The following PTBP3 variants were observed in gnomAD, a reference collection of about 807,000 sequenced individuals.
The protein encoded by PTBP3 is polypyrimidine tract binding protein 3.
In PTBP3, 20 loss-of-function variants were observed where a neutral mutation model predicts 58.7. The ratio of observed to expected loss-of-function variants is 0.34; its 90% confidence interval spans 0.24 to 0.50. The LOEUF is 0.50. Ranked by LOEUF, PTBP3 falls within the 20% of genes least tolerant of loss-of-function variation. The pLI is 0.98. For missense variants in PTBP3, 509 were observed against 637.2 expected (o/e 0.80, Z 2.17); for synonymous variants, 185 against 219.8 (o/e 0.84, Z 1.40).
chr9:112,362,183 A>G, the PTBP3 span, among the ~76,000 whole-genome samples: 14 of 152,292 alleles, frequency 9.2e-5, no homozygotes, highest in Non-Finnish European at 1.5e-4. Context: ...TACAAAAAGT[A>G]TGAGTCTGTA....
chr9:112,238,193 G>A (rs1174705307), intron 7 of PTBP3, among the ~76,000 whole-genome samples: 1 of 151,984 alleles, frequency 6.6e-6, no homozygotes, highest in African/African-American at 2.4e-5. Flanking sequence ...AGCAGATGAA[G>A]ATTTAAATAG....
At position 112,268,158 on chromosome 9, in the gene PTBP3, G is replaced by A. The variant is rs754505988; in HGVS notation, c.242C>T (p.Thr81Ile). The A allele has an allele frequency of 1.9e-6, 3 of 1,612,116 alleles. No individual in the cohort carries two copies. The highest frequency in any genetic ancestry group is 1.7e-6 in the Non-Finnish European group (2 of 1,179,578). Reference protein sequence around the residue: ...LEMASEEAAVTMVNYYTPITP... With the variant: ...LEMASEEAAVIMVNYYTPITP... ...AATAGGAGTGTAATAATTCACCATA[G>A]TAACGGCAGCTTCCTCAGAAGCCAT... Residue 81 changes from threonine (T) to isoleucine (I), a missense_variant, in exon 4 of 14, where the codon ACT (threonine) becomes ATT (isoleucine). This residue lies in a region of PTBP3 where 212 missense variants were observed against 215.3 expected (regional missense o/e 0.98). Coordinates refer to ENST00000374257, the MANE Select transcript of PTBP3 (RefSeq NM_001163788.4).
Position 112,268,156 on chromosome 9 carries a change from T to C in PTBP3, c.244A>G (p.Met82Val), listed in dbSNP as rs751095779. The C allele has an allele frequency of 5.0e-6, 8 of 1,612,710 alleles. No homozygotes were observed. The highest frequency in any genetic ancestry group is 2.7e-5 in the African/African-American group (2 of 74,968). ...GTAATAGGAGTGTAATAATTCACCA[T>C]AGTAACGGCAGCTTCCTCAGAAGCC... ...EMASEEAAVT[M>V]VNYYTPITPH... Residue 82 changes from methionine (M) to valine (V), a missense_variant, in exon 4 of 14, where the codon ATG (methionine) becomes GTG (valine). Coordinates refer to ENST00000374257, the MANE Select transcript of PTBP3 (RefSeq NM_001163788.4).
intron 7 of PTBP3, among the ~76,000 whole-genome samples, chr9:112,250,119 T>C (rs887916066): frequency 5.3e-5 from 8 of 152,150 alleles, no homozygotes; most frequent in Admixed American, 4.6e-4. Context: ...AATTTGATTG[T>C]CTTAATTCTT....
intron 7 of PTBP3, among the ~76,000 whole-genome samples, chr9:112,246,700 A>G (rs1030924632): frequency 2.6e-5 from 4 of 151,834 alleles, no homozygotes; most frequent in Non-Finnish European, 5.9e-5. Context: ...CTCAAAAAAA[A>G]AAAAAGAAAA....
chr9:112,345,331 C>A, the PTBP3 span, among the ~76,000 whole-genome samples: 1 of 117,154 alleles, frequency 8.5e-6, no homozygotes, highest in Non-Finnish European at 1.6e-5. Flanking sequence ...CAGAGTAAGA[C>A]CCTCATCTCT....
chr9:112,379,868 C>T, the PTBP3 span: 1 of 538,490 alleles, frequency 1.9e-6, no homozygotes, highest in Non-Finnish European at 3.3e-6. Context: ...GCCTGATTGT[C>T]ACCGTACGAC....
chr9:112,286,616 G>A (rs868722563), intron 2 of PTBP3, among the ~76,000 whole-genome samples: 12 of 151,926 alleles, frequency 7.9e-5, no homozygotes, highest in Admixed American at 6.5e-4. Context: ...TGTATATTTT[G>A]CTTTTCTCAT....
the PTBP3 span, among the ~76,000 whole-genome samples, chr9:112,340,471 C>T: frequency 6.6e-6 from 1 of 152,114 alleles, no homozygotes; most frequent in African/African-American, 2.4e-5. Context: ...TAGTTTGATT[C>T]CCTGCTATTT....
chr9:112,224,807 C>T (rs968947641), intron 12 of PTBP3, among the ~76,000 whole-genome samples: 2 of 152,184 alleles, frequency 1.3e-5, no homozygotes, highest in Admixed American at 6.5e-5. Context: ...TCTACTATGT[C>T]CTCTCCTGAA....
intron 4 of PTBP3, among the ~76,000 whole-genome samples, chr9:112,263,917 T>C (rs922101201): frequency 6.6e-6 from 1 of 152,196 alleles, no homozygotes; most frequent in African/African-American, 2.4e-5. Flanking sequence ...TTTCTAAGTT[T>C]GTGATTGTCT....
upstream of PTBP3, chr9:112,333,648 C>A: frequency 1.6e-6 from 1 of 622,142 alleles, no homozygotes; most frequent in East Asian, 3.5e-5. Flanking sequence ...CGGGCACGCT[C>A]CCGCCACCGC....
chr9:112,238,247 G>C (rs909738040), intron 7 of PTBP3, among the ~76,000 whole-genome samples: 48 of 152,080 alleles, frequency 3.2e-4, no homozygotes, highest in African/African-American at 9.9e-4. Flanking sequence ...TAGTACAGGA[G>C]ACACTTTTTA....
chr9:112,291,687 C>T (rs1304199530), intron 2 of PTBP3, among the ~76,000 whole-genome samples: 2 of 152,104 alleles, frequency 1.3e-5, no homozygotes, highest in East Asian at 3.8e-4. Context: ...AAATTGGACT[C>T]TTACTTTACA....
chr9:112,259,059 C>T (rs914573568), intron 5 of PTBP3, among the ~76,000 whole-genome samples: 2 of 152,170 alleles, frequency 1.3e-5, no homozygotes, highest in African/African-American at 4.8e-5. Context: ...TCAAGCTATC[C>T]TCCCACCTTA....
chr9:112,312,400 G>C (rs983872753), intron 1 of PTBP3, among the ~76,000 whole-genome samples: 1 of 150,272 alleles, frequency 6.7e-6, no homozygotes, highest in African/African-American at 2.5e-5. Flanking sequence ...CAAGGACTGA[G>C]ACAAGAGGAT....
At chr9:112,290,701 TATATATAC>T (rs1176578411) in intron 2 of PTBP3, among the ~76,000 whole-genome samples, 30 of 64,842 alleles carry the variant, frequency 4.6e-4, no homozygotes, top group African/African-American at 2.6e-3. Context: ...TATATATATA[TATATATAC>T]ACACACACAC....
At chr9:112,280,788 T>TGTGTGC (rs1317290976) in intron 2 of PTBP3, among the ~76,000 whole-genome samples, 5 of 6,232 alleles carry the variant, frequency 8.0e-4, no homozygotes, top group African/African-American at 2.4e-3. Context: ...TGTGTGTGCA[T>TGTGTGC]ATATATATAT....
chr9:112,340,801 G>A, the PTBP3 span, among the ~76,000 whole-genome samples: 3 of 152,040 alleles, frequency 2.0e-5, no homozygotes, highest in Non-Finnish European at 2.9e-5. Context: ...GTTTGAACCC[G>A]GGAGGCGGAG....
Sources: gnomAD v4.1 joint callset for allele counts (sites outside exome capture counted in the v4.1 genomes callset) on GRCh38, gnomAD v4.1.1 for gene constraint, gnomAD v4.1.1 regional missense constraint, MANE v1.5 for transcripts, NCBI Gene and HGNC (gene_info 2026-07-23, HGNC 2026-07-21) for gene names.